The following STX8 variants were observed in gnomAD, a reference collection of about 807,000 sequenced individuals.
STX8 encodes the protein syntaxin-8.
A neutral mutation model predicts 37.5 loss-of-function variants in STX8; 23 were observed. The observed-to-expected ratio is 0.61, with a 90% CI of 0.44 to 0.87. The LOEUF is 0.87. Among genes scored for constraint, STX8 ranks in the 40% least tolerant of loss-of-function variants. The pLI, the probability that STX8 is intolerant of heterozygous loss-of-function variation, is 0.00. For missense variants in STX8, 313 were observed against 284.7 expected (o/e 1.10, Z -0.71); for synonymous variants, 115 against 99.1 (o/e 1.16, Z -0.95).
At chr17:9,325,994 C>A (rs1597605671) in intron 7 of STX8, among the ~76,000 whole-genome samples, 1 of 152,316 alleles carries the variant, frequency 6.6e-6, no homozygotes, top group East Asian at 1.9e-4. Flanking sequence ...GTGTCCAGCG[C>A]TAGCCATGCT....
chr17:9,251,934 C>T (rs1382635156), intron 7 of STX8, among the ~76,000 whole-genome samples: 5 of 152,224 alleles, frequency 3.3e-5, no homozygotes, highest in South Asian at 2.1e-4. Flanking sequence ...GAGGCCAAGG[C>T]GGGCGGATCA....
chr17:9,282,169 G>C (rs1309600110), intron 7 of STX8, among the ~76,000 whole-genome samples: 2 of 152,172 alleles, frequency 1.3e-5, no homozygotes, highest in Non-Finnish European at 2.9e-5. Context: ...GTCTGGCTCT[G>C]TCACCCAGGC....
At chr17:9,458,356 A>G (rs1329080193) in intron 6 of STX8, among the ~76,000 whole-genome samples, 2 of 152,114 alleles carry the variant, frequency 1.3e-5, no homozygotes, top group Non-Finnish European at 2.9e-5. Flanking sequence ...TCACCGTGTC[A>G]GCCAGGATGG....
At chr17:9,399,048 CAAAAA>C (rs376011880) in intron 6 of STX8, among the ~76,000 whole-genome samples, 1 of 85,616 alleles carries the variant, frequency 1.2e-5, no homozygotes. Context: ...GACTCCAGCT[CAAAAA>C]AAAAAAAAAA....
chr17:9,468,496 T>G (rs1240597549), intron 6 of STX8, among the ~76,000 whole-genome samples: 1 of 152,192 alleles, frequency 6.6e-6, no homozygotes, highest in Non-Finnish European at 1.5e-5. Flanking sequence ...TGTATTCTAG[T>G]TAACTCAGTC....
chr17:9,304,921 A>AT (rs1250932993), intron 7 of STX8, among the ~76,000 whole-genome samples: 8 of 136,512 alleles, frequency 5.9e-5, no homozygotes, highest in African/African-American at 2.6e-4. Context: ...GGGCGAAAAA[A>AT]AAAATATGTA....
chr17:9,486,503 T>C (rs746062256), intron 6 of STX8, among the ~76,000 whole-genome samples: 4 of 152,194 alleles, frequency 2.6e-5, no homozygotes, highest in Non-Finnish European at 5.9e-5. Context: ...TGGTGGCTCA[T>C]GCCAAAAGGT....
Position 9,490,328 on chromosome 17 carries a change from A to G in STX8, c.541+1501T>C, listed in dbSNP as rs149044998. On this transcript the variant is annotated intron_variant, in intron 6 of 7. Coordinates refer to ENST00000306357, the MANE Select transcript of STX8 (RefSeq NM_004853.3). ...AGAAGTGCAGCCCTCTCTTCAAAGC[A>G]GGTGTTCGTCTATCCCCAGGGCTTC... is the stretch of plus-strand genomic sequence containing the variant. Among the ~76,000 whole-genome samples the G allele has an allele frequency of 1.9e-3, 286 of 152,290 alleles. 1 individual carries two copies. The highest frequency in any genetic ancestry group is 5.6e-3 in the African/African-American group (231 of 41,566).
At chr17:9,395,469 T>C (rs533296118) in intron 6 of STX8, among the ~76,000 whole-genome samples, 6 of 152,046 alleles carry the variant, frequency 3.9e-5, no homozygotes, top group African/African-American at 1.4e-4. Context: ...TCCCATCTAC[T>C]TGGGAGCCTG....
rs543805490 is a variant in STX8 at position 9,453,872 on chromosome 17, C to T, written c.541+37957G>A. 7.2e-5 allele frequency among the ~76,000 whole-genome samples: 11 copies of T among 152,188 alleles called. 1 individual carries two copies. Among genetic ancestry groups the T allele is most frequent in the African/African-American group, 2.6e-4 (11 of 41,516 alleles). On this transcript the variant is annotated intron_variant, in intron 6 of 7. Coordinates refer to ENST00000306357, the MANE Select transcript of STX8 (RefSeq NM_004853.3). ...ATTGTGCCATGAGTCTCTTGCTCTC[C>T]TAAGGGGACTTATGGGTAAGAGTCT...
chr17:9,298,615 CA>C (rs1356473917), intron 7 of STX8, among the ~76,000 whole-genome samples: 1 of 152,090 alleles, frequency 6.6e-6, no homozygotes, highest in African/African-American at 2.4e-5. Flanking sequence ...AGACTGAGAC[CA>C]TCCTGGCCAA....
At chr17:9,396,255 A>C (rs753081986) in intron 6 of STX8, among the ~76,000 whole-genome samples, 6 of 151,990 alleles carry the variant, frequency 3.9e-5, no homozygotes, top group African/African-American at 1.2e-4. Context: ...GTATGATTCC[A>C]ATTATATGAC....
At chr17:9,294,485 C>T (rs1908440694) in intron 7 of STX8, among the ~76,000 whole-genome samples, 2 of 152,188 alleles carry the variant, frequency 1.3e-5, no homozygotes, top group Non-Finnish European at 2.9e-5. Context: ...TGAAGCCAGG[C>T]GTTTCATAAA....
chr17:9,458,686 G>C (rs902410716), intron 6 of STX8, among the ~76,000 whole-genome samples: 1 of 152,180 alleles, frequency 6.6e-6, no homozygotes, highest in Non-Finnish European at 1.5e-5. Flanking sequence ...ATGGATCAGA[G>C]AGGCTGCTTA....
chr17:9,560,250 T>C (rs1442003118), intron 2 of STX8, among the ~76,000 whole-genome samples: 3 of 151,010 alleles, frequency 2.0e-5, no homozygotes, highest in Non-Finnish European at 4.4e-5. Context: ...ATACAAAAAT[T>C]AGCTGGGCAT....
At chr17:9,260,181 G>A (rs938616968) in intron 7 of STX8, among the ~76,000 whole-genome samples, 1 of 152,024 alleles carries the variant, frequency 6.6e-6, no homozygotes, top group African/African-American at 2.4e-5. Context: ...AAATTAGCTG[G>A]CTGTGGTGAT....
At chr17:9,455,061 A>T (rs981115790) in intron 6 of STX8, among the ~76,000 whole-genome samples, 9 of 152,132 alleles carry the variant, frequency 5.9e-5, no homozygotes, top group African/African-American at 2.2e-4. Context: ...ACAAAAAATT[A>T]AAAAATTAGC....
intron 6 of STX8, among the ~76,000 whole-genome samples, chr17:9,445,524 T>TGGGGGAGGGGGTTGG (rs1904813897): frequency 9.7e-4 from 25 of 25,656 alleles, no homozygotes; most frequent in South Asian, 2.1e-3. Flanking sequence ...GGTTGGGGGG[T>TGGGGGAGGGGGTTGG]GGGGGTGAGG....
At chr17:9,288,447 A>G (rs911160786) in intron 7 of STX8, among the ~76,000 whole-genome samples, 4 of 151,714 alleles carry the variant, frequency 2.6e-5, no homozygotes, top group Non-Finnish European at 4.4e-5. Flanking sequence ...GGATCACGAG[A>G]TCAAGAGATC....
Sources: gnomAD v4.1 joint callset for allele counts (sites outside exome capture counted in the v4.1 genomes callset) on GRCh38, gnomAD v4.1.1 for gene constraint, MANE v1.5 for transcripts, NCBI Gene and HGNC (gene_info 2026-07-23, HGNC 2026-07-21) for gene names.